Variants in FOCAD observed in about 807,000 individuals in gnomAD.
The protein encoded by FOCAD is focadhesin.
In FOCAD, 198 loss-of-function variants were observed where a neutral mutation model predicts 225.6. The ratio of observed to expected loss-of-function variants is 0.88; its 90% CI spans 0.78 to 0.99. FOCAD has a LOEUF of 0.99. FOCAD is among the 50% of genes least tolerant of loss of function. FOCAD has a pLI of 0.00. For synonymous variants in FOCAD, 897 were observed against 755.0 expected (o/e 1.19, Z -3.08); for missense variants, 2,713 against 2,123.6 (o/e 1.28, Z -5.46).
chr9:20,760,846 G>A lies in FOCAD; in HGVS notation c.494+2655G>A, dbSNP rs141427845. 3.2e-3 allele frequency among the ~76,000 whole-genome samples: 490 copies of A among 152,174 alleles called. 3 individuals carry two copies. The highest frequency in any genetic ancestry group is 9.0e-3 in the African/African-American group (373 of 41,508). ...TTCTTTAAATGAGGTTGCAGTGAGCGGAGATTGTACCACTGCACTTCAGCC... is the reference window on the plus strand; with the variant it reads ...TTCTTTAAATGAGGTTGCAGTGAGCAGAGATTGTACCACTGCACTTCAGCC... On this transcript the variant is annotated intron_variant, in intron 6 of 43. Coordinates refer to ENST00000338382, the MANE Select transcript of FOCAD (RefSeq NM_001375567.1).
chr9:20,943,580 G>C (rs906994802), intron 28 of FOCAD, among the ~76,000 whole-genome samples: 1 of 152,108 alleles, frequency 6.6e-6, no homozygotes, highest in Non-Finnish European at 1.5e-5. Flanking sequence ...TTGCACGTTG[G>C]GGGAAGTAAG....
chr9:20,978,407 G>A lies in FOCAD; in HGVS notation c.4330G>A (p.Ala1444Thr). 6.2e-7 allele frequency: 1 copy of A among 1,612,024 alleles called. No homozygotes were observed. The highest frequency in any genetic ancestry group is 8.5e-7 in the Non-Finnish European group (1 of 1,178,916). Residue 1444 changes from alanine to threonine, a missense_variant, in exon 37 of 44, where the codon GCA becomes ACA. By Grantham distance (58) the Ala-to-Thr change is moderately conservative. Transcript: ENST00000338382. ...GGCACAGTCATCCCAGAATGCAGCT[G>A]CACTATTGGGCTTGTGGGTGACACC... Reference protein sequence around the residue: ...TQAQSSQNAAALLGLWVTPPL... With the variant: ...TQAQSSQNAATLLGLWVTPPL...
At chr9:20,763,338 C>G (rs917459522) in intron 6 of FOCAD, among the ~76,000 whole-genome samples, 2 of 152,152 alleles carry the variant, frequency 1.3e-5, no homozygotes. Context: ...AGCTTGTAAT[C>G]TCAGCTACTT....
intron 34 of FOCAD, 26 bp from the exon 35 acceptor site, chr9:20,952,959 A>G: frequency 6.3e-7 from 1 of 1,587,922 alleles, no homozygotes; most frequent in Non-Finnish European, 8.6e-7. Flanking sequence ...TTCACTGGTT[A>G]ATTTGATCAT....
At chr9:20,948,236 C>A in intron 30 of FOCAD, 35 bp from the exon 31 acceptor site, 4 of 1,450,288 alleles carry the variant, frequency 2.8e-6, no homozygotes, top group Admixed American at 2.4e-5. Flanking sequence ...TTTTTTTTTT[C>A]TTTTTCTTAC....
At chr9:20,711,810 T>A (rs1038171512) in intron 1 of FOCAD, among the ~76,000 whole-genome samples, 1 of 152,168 alleles carries the variant, frequency 6.6e-6, no homozygotes, top group Non-Finnish European at 1.5e-5. Context: ...TGACGACTGA[T>A]AGCTGTGGGA....
intron 4 of FOCAD, among the ~76,000 whole-genome samples, chr9:20,730,060 T>C (rs1300211720): frequency 6.6e-6 from 1 of 152,234 alleles, no homozygotes; most frequent in East Asian, 1.9e-4. Context: ...CTGTGTGCCC[T>C]GCCTTGTGCT....
chr9:20,982,501 G>A, intron 39 of FOCAD, 55 bp downstream of exon 39: 2 of 1,447,154 alleles, frequency 1.4e-6, no homozygotes, highest in South Asian at 1.2e-5. Context: ...AATTACGATT[G>A]AATAATTGAT....
intron 5 of FOCAD, among the ~76,000 whole-genome samples, chr9:20,746,197 G>GT (rs1828021046): frequency 6.6e-6 from 1 of 152,164 alleles, no homozygotes; most frequent in African/African-American, 2.4e-5. Flanking sequence ...TTTAAGCATT[G>GT]TTTTTGCATT....
At chr9:20,705,021 T>A (rs1362220990) in intron 1 of FOCAD, among the ~76,000 whole-genome samples, 2 of 152,220 alleles carry the variant, frequency 1.3e-5, no homozygotes, top group Non-Finnish European at 2.9e-5. Context: ...TTCTGTCACT[T>A]ACTCTGTGAC....
chr9:20,988,504 G>A (rs373792329), intron 41 of FOCAD, 75 bp downstream of exon 41: 33 of 494,986 alleles, frequency 6.7e-5, no homozygotes, highest in African/African-American at 5.8e-4. Context: ...AAGTAATTGC[G>A]GTTTTGCCAT....
intron 1 of FOCAD, among the ~76,000 whole-genome samples, chr9:20,698,557 T>C (rs1823575717): frequency 6.6e-6 from 1 of 152,114 alleles, no homozygotes; most frequent in Admixed American, 6.5e-5. Flanking sequence ...CACGCCACTG[T>C]GCCTGGCTAA....
At chr9:20,986,237 A>C in intron 39 of FOCAD, 51 bp from the exon 40 acceptor site, 1 of 1,369,244 alleles carries the variant, frequency 7.3e-7, no homozygotes, top group South Asian at 1.6e-5. Context: ...TTCTGTAGCT[A>C]CTTCAGTTAA....
At chr9:20,784,593 G>A (rs1819725337) in intron 10 of FOCAD, among the ~76,000 whole-genome samples, 1 of 152,172 alleles carries the variant, frequency 6.6e-6, no homozygotes, top group Admixed American at 6.5e-5. Context: ...TTATGAAACT[G>A]TTTTAGTCAG....
intron 2 of FOCAD, among the ~76,000 whole-genome samples, chr9:20,670,850 A>G (rs1176963203): frequency 6.6e-6 from 1 of 152,204 alleles, no homozygotes; most frequent in Non-Finnish European, 1.5e-5. Flanking sequence ...TCTGCCCACA[A>G]TAGGCACTCT....
At chr9:20,942,473 T>C (rs1324338250) in intron 28 of FOCAD, among the ~76,000 whole-genome samples, 1 of 152,226 alleles carries the variant, frequency 6.6e-6, no homozygotes, top group Middle Eastern at 3.2e-3. Context: ...TTTCTGAAAT[T>C]AGTCTGGCAA....
intron 7 of FOCAD, among the ~76,000 whole-genome samples, chr9:20,765,757 G>C (rs961486698): frequency 6.6e-6 from 1 of 152,158 alleles, no homozygotes; most frequent in African/African-American, 2.4e-5. Flanking sequence ...AGTTGCCCAG[G>C]TGTTGTGATT....
chr9:20,741,360 G>T (rs1412904313), intron 5 of FOCAD, among the ~76,000 whole-genome samples: 1 of 152,108 alleles, frequency 6.6e-6, no homozygotes, highest in Non-Finnish European at 1.5e-5. Flanking sequence ...CTCATATACT[G>T]TAAATGGGAT....
chr9:20,718,264 C>T (rs940743290), intron 3 of FOCAD, among the ~76,000 whole-genome samples: 2 of 152,176 alleles, frequency 1.3e-5, no homozygotes, highest in Non-Finnish European at 2.9e-5. Context: ...TGCTTCAGCT[C>T]AGCCCCAGCT....
Sources: allele counts gnomAD v4.1 joint callset (sites outside exome capture counted in the v4.1 genomes callset), GRCh38; gene constraint gnomAD v4.1.1; transcripts MANE v1.5; gene names NCBI Gene and HGNC (gene_info 2026-07-23, HGNC 2026-07-21).